Variants in ARHGEF10 observed in about 807,000 individuals in gnomAD.
The protein encoded by ARHGEF10 is Rho guanine nucleotide exchange factor (GEF) 10.
Under a neutral mutation model 147.4 loss-of-function variants are expected in ARHGEF10, and 140 were observed. That is an observed-to-expected ratio of 0.95 (90% confidence interval 0.83 to 1.09). ARHGEF10 has a LOEUF of 1.09. Ranked by LOEUF, ARHGEF10 falls within the 50% of genes least tolerant of loss-of-function variation. The pLI is 0.00. For synonymous variants in ARHGEF10, 902 were observed against 695.8 expected (o/e 1.30, Z -4.67); for missense variants, 2,222 against 1,752.7 (o/e 1.27, Z -4.78).
At chr8:1,939,596 C>T (rs1813913589) in intron 26 of ARHGEF10, among the ~76,000 whole-genome samples, 1 of 152,234 alleles carries the variant, frequency 6.6e-6, no homozygotes, top group South Asian at 2.1e-4. Context: ...GGCACAGGGC[C>T]CTCGGCAGCT....
At position 1,894,479 on chromosome 8, in the gene ARHGEF10, C is replaced by T. The variant is rs778926858; in HGVS notation, c.1347C>T (p.Ile449=). The change falls in exon 13 of 29, where the codon ATC becomes ATT. Residue 449 remains isoleucine (I), a synonymous_variant. Coordinates refer to ENST00000349830, the MANE Select transcript of ARHGEF10 (RefSeq NM_014629.4). ...LKTVFYRVKE[I]LQCHSLFQIA... Reference sequence around the variant, plus strand: ...CGGTGTTCTACCGAGTCAAAGAGATCCTGCAGTGCCACTCGCTATTTCAGA... The same window carrying T: ...CGGTGTTCTACCGAGTCAAAGAGATTCTGCAGTGCCACTCGCTATTTCAGA... The T allele has an allele frequency of 4.3e-6, 7 of 1,614,212 alleles. No individual in the cohort carries two copies. The highest frequency in any genetic ancestry group is 5.9e-6 in the Non-Finnish European group (7 of 1,180,032).
chr8:1,903,249 G>A (rs1219167821), intron 15 of ARHGEF10, 32 bp from the exon 16 acceptor site: 8 of 1,613,530 alleles, frequency 5.0e-6, no homozygotes, highest in African/African-American at 4.0e-5. Context: ...TGTCCACGTG[G>A]TAACTGCCCA....
In ARHGEF10 at chr8:1,948,719, T is replaced by G. The variant is rs564043729; in HGVS notation, c.3397+3064T>G. ...AGAGTCCTTTCCTCCAGAGAGTCCT[T>G]TCATCTCATCTCCTCTGTCTAGTCG... On this transcript the variant is annotated intron_variant, in intron 27 of 28. Coordinates refer to ENST00000349830, the MANE Select transcript of ARHGEF10 (RefSeq NM_014629.4). The surrounding 1 kb of genome is among the most constrained non-coding windows in gnomAD (Gnocchi z 4.9). 6.6e-6 allele frequency among the ~76,000 whole-genome samples: 1 copy of G among 152,338 alleles called. No homozygotes were observed. Among genetic ancestry groups the G allele is most frequent in the African/African-American group, 2.4e-5 (1 of 41,586 alleles).
chr8:1,907,831 G>A (rs1811023899), intron 17 of ARHGEF10, among the ~76,000 whole-genome samples: 1 of 152,194 alleles, frequency 6.6e-6, no homozygotes, highest in African/African-American at 2.4e-5. Flanking sequence ...GTGCCCGAAG[G>A]TGATGAGATG....
intron 1 of ARHGEF10, among the ~76,000 whole-genome samples, chr8:1,833,734 T>C (rs1009614381): frequency 1.3e-5 from 2 of 152,168 alleles, no homozygotes; most frequent in Non-Finnish European, 2.9e-5. Context: ...CCAGCAAGCA[T>C]CTCCTTTCCT....
At chr8:1,868,697 T>C (rs1432300774) in intron 6 of ARHGEF10, among the ~76,000 whole-genome samples, 1 of 152,200 alleles carries the variant, frequency 6.6e-6, no homozygotes, top group Non-Finnish European at 1.5e-5. Context: ...GTGTCATTGG[T>C]TTATTGGGAT....
At chr8:1,840,305 G>A (rs1489680621) in intron 1 of ARHGEF10, among the ~76,000 whole-genome samples, 5 of 134,402 alleles carry the variant, frequency 3.7e-5, no homozygotes, top group African/African-American at 5.9e-5. Flanking sequence ...AAGCTGTCTG[G>A]TGTGGGGACT....
intron 27 of ARHGEF10, among the ~76,000 whole-genome samples, chr8:1,950,878 C>A (rs1004026742): frequency 3.3e-5 from 5 of 152,052 alleles, no homozygotes; most frequent in African/African-American, 1.2e-4. Context: ...CTGCGCCCGG[C>A]CTACCCTTTT....
At chr8:1,954,711 A>G (rs1370242457) in intron 28 of ARHGEF10, among the ~76,000 whole-genome samples, 2 of 152,194 alleles carry the variant, frequency 1.3e-5, no homozygotes, top group Non-Finnish European at 2.9e-5. Flanking sequence ...GCTGAGTTTT[A>G]CGTCAATTAT....
intron 1 of ARHGEF10, among the ~76,000 whole-genome samples, chr8:1,831,992 G>A (rs1252507902): frequency 6.6e-6 from 1 of 152,188 alleles, no homozygotes; most frequent in Non-Finnish European, 1.5e-5. Flanking sequence ...CCGAGCCTGT[G>A]GGTGTGGCCG....
intron 28 of ARHGEF10, among the ~76,000 whole-genome samples, chr8:1,955,137 CTGTTCCTCTGG>C: frequency 8.1e-6 from 1 of 123,750 alleles, no homozygotes; most frequent in South Asian, 2.8e-4. Context: ...TGCACTCTCA[CTGTTCCTCTGG>C]AGGATAGCCA....
chr8:1,883,498 G>C (rs528208148), intron 10 of ARHGEF10, among the ~76,000 whole-genome samples: 6 of 152,232 alleles, frequency 3.9e-5, no homozygotes, highest in African/African-American at 1.2e-4. Flanking sequence ...ACTTGGAAGG[G>C]ACTTTGCAGT....
intron 1 of ARHGEF10, among the ~76,000 whole-genome samples, chr8:1,842,015 GGCGGGA>G (rs1804121459): frequency 5.1e-5 from 5 of 97,988 alleles, no homozygotes; most frequent in African/African-American, 1.4e-4. Context: ...CTGGGGCCGC[GGCGGGA>G]ACTGGGGCCG....
chr8:1,945,732 C>T (rs1203089938), intron 27 of ARHGEF10, 77 bp downstream of exon 27: 5 of 1,571,730 alleles, frequency 3.2e-6, no homozygotes, highest in Admixed American at 3.3e-5. Context: ...GCTGTCAGCC[C>T]ACCTTAGCGC....
At chr8:1,927,797 C>T (rs771439569) in intron 23 of ARHGEF10, among the ~76,000 whole-genome samples, 19 of 152,178 alleles carry the variant, frequency 1.2e-4, no homozygotes, top group South Asian at 4.2e-4. Context: ...AAAAATTAGC[C>T]GGATGTGGTG....
At chr8:1,869,796 A>G (rs17855519) in intron 7 of ARHGEF10, 1 of 195,270 alleles carries the variant, frequency 5.1e-6, no homozygotes, top group Non-Finnish European at 1.1e-5. Flanking sequence ...CTGCCTACAC[A>G]GGAACCGCTA....
intron 1 of ARHGEF10, among the ~76,000 whole-genome samples, chr8:1,840,850 C>T (rs1028268134): frequency 2.6e-5 from 4 of 152,130 alleles, no homozygotes; most frequent in Admixed American, 6.5e-5. Context: ...AGGCACCTCC[C>T]GCCTCACGGG....
chr8:1,912,368 A>T (rs945315328), intron 18 of ARHGEF10, among the ~76,000 whole-genome samples: 13 of 152,094 alleles, frequency 8.5e-5, no homozygotes, highest in African/African-American at 3.1e-4. Flanking sequence ...CGTCCCTGCA[A>T]AAGTGCTGTG....
chr8:1,929,426 G>C lies in ARHGEF10; in HGVS notation c.3062G>C (p.Ser1021Thr). Residue 1021 changes from serine to threonine, a missense_variant, in exon 25 of 29, where the codon AGC becomes ACC. Physicochemically the swap from Ser to Thr is moderately conservative, Grantham distance 58. Coordinates refer to ENST00000349830, the MANE Select transcript of ARHGEF10 (RefSeq NM_014629.4). Reference protein sequence around the residue: ...YAGLVNGAVASYARAPDGSWD... With the variant: ...YAGLVNGAVATYARAPDGSWD... ...GGCCTGGTCAACGGGGCAGTCGCCA[G>C]CTACGCCAGAGCCCCAGGTGAGGCG... is the stretch of plus-strand genomic sequence containing the variant. The C allele has an allele frequency of 6.2e-7, 1 of 1,609,606 alleles. No homozygotes were observed. The highest frequency in any genetic ancestry group is 8.5e-7 in the Non-Finnish European group (1 of 1,178,010).
Sources: gnomAD v4.1 joint callset for allele counts (sites outside exome capture counted in the v4.1 genomes callset) on GRCh38, gnomAD v4.1.1 for gene constraint, Gnocchi (gnomAD v3.1) non-coding constraint, MANE v1.5 for transcripts, NCBI Gene and HGNC (gene_info 2026-07-23, HGNC 2026-07-21) for gene names.